The following LRP1B variants were observed in gnomAD, a reference collection of about 807,000 sequenced individuals.
The protein encoded by LRP1B is low-density lipoprotein receptor-related protein 1B.
LRP1B carries 217 observed loss-of-function variants against 556.6 expected under a neutral mutation model. That is an observed-to-expected ratio of 0.39 (90% CI 0.35 to 0.44). LRP1B has a LOEUF of 0.44. Among genes scored for constraint, LRP1B ranks in the 20% least tolerant of loss-of-function variants. The pLI, the probability that LRP1B is intolerant of heterozygous loss-of-function variation, is 1.00. For missense variants in LRP1B, 5,053 were observed against 5,620.8 expected (o/e 0.90, Z 3.23); for synonymous variants, 2,047 against 1,865.8 (o/e 1.10, Z -2.50).
intron 43 of LRP1B, among the ~76,000 whole-genome samples, chr2:140,590,856 A>G (rs1319297006): frequency 2.6e-5 from 4 of 152,210 alleles, no homozygotes. Context: ...CTAGCCTGAG[A>G]GACAGCATAT....
At position 140,527,441 on chromosome 2, in the gene LRP1B, T is replaced by C. The variant is rs190555664; in HGVS notation, c.7763-1091A>G. ...AAATGGTTAAAATGCTATTTTAAAA[T>C]ACGCAGATTTTACAAAAGGGTGTGT... On this transcript the variant is annotated intron_variant, in intron 47 of 90. Transcript: ENST00000389484. 4.1e-3 allele frequency among the ~76,000 whole-genome samples: 624 copies of C among 152,090 alleles called. 6 individuals carry two copies. The highest frequency in any genetic ancestry group is 0.013 in the African/African-American group (531 of 41,556).
intron 6 of LRP1B, among the ~76,000 whole-genome samples, chr2:141,224,506 C>A (rs1380293607): frequency 6.6e-6 from 1 of 152,148 alleles, no homozygotes; most frequent in Non-Finnish European, 1.5e-5. Context: ...AAATATAAAT[C>A]ATTCTATTGT....
intron 37 of LRP1B, among the ~76,000 whole-genome samples, chr2:140,711,850 C>A (rs1192806450): frequency 6.6e-6 from 1 of 152,264 alleles, no homozygotes; most frequent in South Asian, 2.1e-4. Flanking sequence ...TTCACTCCAT[C>A]CCCGAAGGGG....
chr2:140,635,904 G>A (rs908370142), intron 41 of LRP1B, among the ~76,000 whole-genome samples: 8 of 152,048 alleles, frequency 5.3e-5, no homozygotes, highest in African/African-American at 1.9e-4. Context: ...GCAAATCTTA[G>A]CCAATCCTTT....
intron 1 of LRP1B, among the ~76,000 whole-genome samples, chr2:141,829,954 G>T (rs764267868): frequency 6.6e-6 from 1 of 151,846 alleles, no homozygotes; most frequent in African/African-American, 2.4e-5. Flanking sequence ...TGGTTTGGGG[G>T]TTTTGTCAAA....
intron 15 of LRP1B, among the ~76,000 whole-genome samples, chr2:140,998,530 G>A (rs1697320027): frequency 6.6e-6 from 1 of 151,988 alleles, no homozygotes; most frequent in African/African-American, 2.4e-5. Context: ...TAAGTTCCAA[G>A]TTACTATGCT....
intron 3 of LRP1B, among the ~76,000 whole-genome samples, chr2:141,419,619 C>T (rs141519540): frequency 6.9e-4 from 105 of 152,092 alleles, no homozygotes; most frequent in Non-Finnish European, 1.2e-3. Context: ...TCTGTAATGT[C>T]TCCTTTTTCA....
intron 1 of LRP1B, among the ~76,000 whole-genome samples, chr2:141,923,481 T>TA (rs748882048): frequency 0.055 from 6,628 of 120,346 alleles, 430 homozygotes; most frequent in Non-Finnish European, 0.092. Flanking sequence ...TGTGTGTGTG[T>TA]GTGTGTAGAG....
At chr2:141,896,987 G>A (rs1220706973) in intron 1 of LRP1B, among the ~76,000 whole-genome samples, 11 of 152,072 alleles carry the variant, frequency 7.2e-5, no homozygotes, top group Non-Finnish European at 1.2e-4. Context: ...CCACATGTTA[G>A]GGTACGGCTT....
In LRP1B at chr2:142,130,654, C is replaced by A. The variant is rs976146200; in HGVS notation, c.76G>T (p.Asp26Tyr). 2.4e-5 allele frequency: 39 copies of A among 1,610,850 alleles called. No homozygotes were observed. Among genetic ancestry groups the A allele is most frequent in the Non-Finnish European group, 3.2e-5 (38 of 1,178,180 alleles). ...PIARVLTVGA[D>Y]RDQQLCDPGE... is the part of the protein sequence containing the mutation. The stretch of plus-strand genomic sequence containing the variant: ...GGGGAGGTGTTCTCCTTACCTCGGT[C>A]GGCTCCCACGGTCAGCACCCTGGCA... The change falls in exon 1 of 91, where the codon GAC becomes TAC. Residue 26 changes from aspartate to tyrosine, a missense_variant. This residue lies in a region of LRP1B where 3,619 missense variants were observed against 3,931.9 expected (regional missense o/e 0.92). Transcript: ENST00000389484.
chr2:141,328,690 C>T lies in LRP1B; in HGVS notation c.344-74049G>A, dbSNP rs561136863. Reference sequence around the variant, plus strand: ...TTACTGTTCTGGGAGTATTTCTCCTCATGAACCTTAGAGCATACACAGTGC... The same window carrying T: ...TTACTGTTCTGGGAGTATTTCTCCTTATGAACCTTAGAGCATACACAGTGC... On this transcript the variant is annotated intron_variant, in intron 3 of 90. Coordinates refer to ENST00000389484, the MANE Select transcript of LRP1B (RefSeq NM_018557.3). 3.3e-5 allele frequency among the ~76,000 whole-genome samples: 5 copies of T among 152,302 alleles called. No individual in the cohort carries two copies. In the East Asian group the frequency reaches 9.7e-4, roughly 29 times the overall value.
chr2:140,760,438 T>C (rs1206037254), intron 35 of LRP1B, among the ~76,000 whole-genome samples: 1 of 152,178 alleles, frequency 6.6e-6, no homozygotes, highest in Non-Finnish European at 1.5e-5. Context: ...TTCCCCCACT[T>C]GATAAACAAT....
intron 3 of LRP1B, among the ~76,000 whole-genome samples, chr2:141,397,016 G>T (rs1366951456): frequency 6.7e-6 from 1 of 148,932 alleles, no homozygotes; most frequent in East Asian, 2.0e-4. Flanking sequence ...GGGAGGCTTA[G>T]GGAAGAGAAT....
intron 31 of LRP1B, among the ~76,000 whole-genome samples, chr2:140,817,431 T>C (rs1691162591): frequency 6.6e-6 from 1 of 151,920 alleles, no homozygotes; most frequent in African/African-American, 2.4e-5. Flanking sequence ...CCATATGCTT[T>C]AATTCTAACA....
At chr2:141,599,057 C>A (rs1375293211) in intron 2 of LRP1B, among the ~76,000 whole-genome samples, 1 of 57,838 alleles carries the variant, frequency 1.7e-5, no homozygotes, top group African/African-American at 1.1e-4. Flanking sequence ...CCCCCCGCCC[C>A]CCCCCCCCCC....
At chr2:140,494,706 AT>A (rs1023931182) in intron 56 of LRP1B, among the ~76,000 whole-genome samples, 31 of 151,470 alleles carry the variant, frequency 2.0e-4, no homozygotes, top group African/African-American at 6.3e-4. Context: ...AAAGGAGTTA[AT>A]TTTTTTTTCT....
chr2:140,833,816 T>C (rs146440897), intron 31 of LRP1B, among the ~76,000 whole-genome samples: 2 of 152,140 alleles, frequency 1.3e-5, no homozygotes, highest in South Asian at 2.1e-4. Context: ...TTTACAAAGG[T>C]TATGTTTAAT....
intron 43 of LRP1B, among the ~76,000 whole-genome samples, chr2:140,580,950 G>A (rs1490368133): frequency 6.6e-6 from 1 of 152,184 alleles, no homozygotes; most frequent in Non-Finnish European, 1.5e-5. Context: ...GTGAAGCCCA[G>A]CTGTCTATGG....
At chr2:140,429,793 C>T (rs1022365359) in intron 66 of LRP1B, among the ~76,000 whole-genome samples, 1 of 152,150 alleles carries the variant, frequency 6.6e-6, no homozygotes, top group Non-Finnish European at 1.5e-5. Flanking sequence ...GCAGTGGCTG[C>T]CACCACCCTA....
Sources: allele counts gnomAD v4.1 joint callset (sites outside exome capture counted in the v4.1 genomes callset), GRCh38; gene constraint gnomAD v4.1.1; regional missense constraint gnomAD v4.1.1; transcripts MANE v1.5; gene names NCBI Gene and HGNC (gene_info 2026-07-23, HGNC 2026-07-21).